ATXN1: variants seen among roughly 807,000 people sequenced by gnomAD.
ATXN1 encodes the protein ataxin-1.
Under a neutral mutation model 56.4 loss-of-function variants are expected in ATXN1, and 8 were observed. That is an observed-to-expected ratio of 0.14 (90% confidence interval 0.08 to 0.26). The LOEUF is 0.26. Ranked by LOEUF, ATXN1 falls within the 10% of genes least tolerant of loss-of-function variation. The pLI is 1.00. For missense variants in ATXN1, 987 were observed against 1,106.5 expected (o/e 0.89, Z 1.53); for synonymous variants, 514 against 494.6 (o/e 1.04, Z -0.52).
intron 7 of ATXN1, among the ~76,000 whole-genome samples, chr6:16,320,853 C>T (rs1388044696): frequency 1.3e-5 from 2 of 152,354 alleles, no homozygotes; most frequent in African/African-American, 2.4e-5. Flanking sequence ...AGGGTGCTCG[C>T]CTCGGCCACT....
At chr6:16,674,310 G>T (rs1043597315) in intron 2 of ATXN1, among the ~76,000 whole-genome samples, 1 of 144,084 alleles carries the variant, frequency 6.9e-6, no homozygotes, top group Non-Finnish European at 1.5e-5. Context: ...GTCAGCACTT[G>T]CTATTTGACT....
At chr6:16,736,648 T>C (rs571347293) in intron 2 of ATXN1, among the ~76,000 whole-genome samples, 1 of 152,334 alleles carries the variant, frequency 6.6e-6, no homozygotes, top group East Asian at 1.9e-4. Context: ...AACCAGTCAC[T>C]CATGTGTCTG....
At chr6:16,468,337 C>T (rs1760148696) in intron 6 of ATXN1, among the ~76,000 whole-genome samples, 1 of 152,172 alleles carries the variant, frequency 6.6e-6, no homozygotes, top group Admixed American at 6.5e-5. Context: ...AGGCGCATGC[C>T]ACCACGCGTG....
At chr6:16,741,085 A>G (rs16878941) in intron 2 of ATXN1, among the ~76,000 whole-genome samples, 7,262 of 152,326 alleles carry the variant, frequency 0.048, 445 homozygotes, top group East Asian at 0.33. Flanking sequence ...AATCAGGTTT[A>G]CAGCACAGGC....
At position 16,334,980 on chromosome 6, in the gene ATXN1, C is replaced by T. The variant is rs573855640; in HGVS notation, c.-160-6510G>A. On this transcript the variant is annotated intron_variant, in intron 6 of 7. Transcript: ENST00000436367. Reference sequence around the variant, plus strand: ...TGAGAATGGTTAAAAATGGACTGGGCTGCCTCATGAGTCAGGGATCTCTGG... The same window carrying T: ...TGAGAATGGTTAAAAATGGACTGGGTTGCCTCATGAGTCAGGGATCTCTGG... 6.6e-5 allele frequency among the ~76,000 whole-genome samples: 10 copies of T among 152,286 alleles called. No individual in the cohort carries two copies. In the South Asian group the frequency reaches 2.1e-3, roughly 32 times the overall value.
intron 2 of ATXN1, among the ~76,000 whole-genome samples, chr6:16,730,296 T>A (rs914596373): frequency 6.6e-6 from 1 of 152,014 alleles, no homozygotes; most frequent in African/African-American, 2.4e-5. Flanking sequence ...ATAAATAAAT[T>A]AATAAATGGA....
intron 2 of ATXN1, among the ~76,000 whole-genome samples, chr6:16,703,299 G>A (rs993429726): frequency 7.9e-5 from 12 of 152,136 alleles, no homozygotes; most frequent in African/African-American, 2.9e-4. Flanking sequence ...CTTGGGCACA[G>A]GAAGGGGAAC....
intron 7 of ATXN1, among the ~76,000 whole-genome samples, chr6:16,312,684 T>C (rs994768426): frequency 1.3e-5 from 2 of 152,014 alleles, no homozygotes; most frequent in African/African-American, 4.8e-5. Flanking sequence ...AACCCTCTAT[T>C]AAAAATACTA....
intron 3 of ATXN1, among the ~76,000 whole-genome samples, chr6:16,594,024 CAT>C (rs962518394): frequency 4.7e-5 from 7 of 148,178 alleles, no homozygotes; most frequent in African/African-American, 1.7e-4. Flanking sequence ...AGCTAATATA[CAT>C]ATTAGTCAAA....
intron 6 of ATXN1, among the ~76,000 whole-genome samples, chr6:16,365,558 A>T (rs1023274891): frequency 6.6e-6 from 1 of 152,214 alleles, no homozygotes; most frequent in African/African-American, 2.4e-5. Flanking sequence ...GGGGCTTAAC[A>T]CCCCTTGGCT....
chr6:16,563,497 T>A (rs530630679), intron 4 of ATXN1, among the ~76,000 whole-genome samples: 1 of 152,172 alleles, frequency 6.6e-6, no homozygotes, highest in African/African-American at 2.4e-5. Flanking sequence ...AAAGTGGCTA[T>A]AGTGACCAAG....
intron 6 of ATXN1, among the ~76,000 whole-genome samples, chr6:16,463,093 A>AGTC (rs1202909166): frequency 2.0e-5 from 3 of 152,152 alleles, no homozygotes; most frequent in African/African-American, 7.2e-5. Context: ...GAGCACAGGG[A>AGTC]GTCACTCAGT....
At chr6:16,566,546 A>AAAACAAACAAAC (rs531564016) in intron 4 of ATXN1, among the ~76,000 whole-genome samples, 1 of 151,938 alleles carries the variant, frequency 6.6e-6, no homozygotes, top group Non-Finnish European at 1.5e-5. Context: ...GGCCAATTAA[A>AAAACAAACAAAC]AAACAAACAA....
chr6:16,733,316 T>C (rs959482113), intron 2 of ATXN1, among the ~76,000 whole-genome samples: 1 of 152,152 alleles, frequency 6.6e-6, no homozygotes, highest in Non-Finnish European at 1.5e-5. Flanking sequence ...ATCCCAACAC[T>C]TTGGGAGGCC....
intron 2 of ATXN1, chr6:16,753,005 G>T: frequency 3.4e-6 from 1 of 291,316 alleles, no homozygotes; most frequent in South Asian, 3.0e-5. Context: ...AAAGTCAAAT[G>T]AAAGTCTTCA....
At chr6:16,441,119 A>T (rs1255921593) in intron 6 of ATXN1, among the ~76,000 whole-genome samples, 1 of 152,144 alleles carries the variant, frequency 6.6e-6, no homozygotes, top group African/African-American at 2.4e-5. Context: ...GAACCCTGGG[A>T]AGGTCTGAGG....
chr6:16,548,169 T>A (rs1442663905), intron 4 of ATXN1, among the ~76,000 whole-genome samples: 1 of 152,224 alleles, frequency 6.6e-6, no homozygotes, highest in African/African-American at 2.4e-5. Flanking sequence ...TGTATTACAA[T>A]GGTAAGTATT....
At chr6:16,404,712 G>A (rs1758651379) in intron 6 of ATXN1, among the ~76,000 whole-genome samples, 1 of 132,106 alleles carries the variant, frequency 7.6e-6, no homozygotes, top group South Asian at 2.2e-4. Flanking sequence ...GCGCACACAC[G>A]CACACACACT....
intron 7 of ATXN1, among the ~76,000 whole-genome samples, chr6:16,324,090 C>A (rs1359194185): frequency 6.6e-6 from 1 of 152,092 alleles, no homozygotes; most frequent in African/African-American, 2.4e-5. Context: ...CATATCCAGT[C>A]ATTCACGAGT....
Sources: allele counts gnomAD v4.1 joint callset (sites outside exome capture counted in the v4.1 genomes callset), GRCh38; gene constraint gnomAD v4.1.1; transcripts MANE v1.5; gene names NCBI Gene and HGNC (gene_info 2026-07-23, HGNC 2026-07-21).